Variants in MCC observed in about 807,000 individuals in gnomAD.
The protein encoded by MCC is colorectal mutant cancer protein.
Under a neutral mutation model 116.2 loss-of-function variants are expected in MCC, and 90 were observed. The ratio of observed to expected loss-of-function variants is 0.77; its 90% CI spans 0.65 to 0.92. The LOEUF is 0.92. MCC is among the 40% of genes least tolerant of loss of function. The probability of loss-of-function intolerance (pLI) is 0.00; values close to 1 mark genes in which losing one functional copy is unlikely to be tolerated. For missense variants in MCC, 1,516 were observed against 1,312.2 expected, an observed-to-expected ratio of 1.16 and a Z score of -2.40; for synonymous variants, 578 against 510.5, an observed-to-expected ratio of 1.13 and a Z score of -1.78.
At chr5:113,201,378 C>T (rs1477310209) in intron 3 of MCC, among the ~76,000 whole-genome samples, 1 of 111,638 alleles carries the variant, frequency 9.0e-6, no homozygotes, top group Non-Finnish European at 1.8e-5. Context: ...AAGAGCAAAA[C>T]GCCATCTCCA....
chr5:113,102,011 T>G (rs560868906), intron 7 of MCC, 66 bp from the exon 8 acceptor site: 89 of 1,490,200 alleles, frequency 6.0e-5, no homozygotes, highest in Middle Eastern at 3.4e-4. Context: ...AGGAAGAAAA[T>G]AGGCTGAACA....
chr5:113,154,997 T>A (rs2150293544), intron 3 of MCC, among the ~76,000 whole-genome samples: 2 of 152,260 alleles, frequency 1.3e-5, no homozygotes, highest in Middle Eastern at 6.8e-3. Context: ...CTGCATGTTT[T>A]TACCCATTAA....
chr5:113,290,203 T>C (rs530325599), intron 3 of MCC, among the ~76,000 whole-genome samples: 1 of 152,122 alleles, frequency 6.6e-6, no homozygotes, highest in Non-Finnish European at 1.5e-5. Context: ...GCATGGAGAG[T>C]TGCCTCTATG....
intron 11 of MCC, among the ~76,000 whole-genome samples, chr5:113,080,431 A>G (rs1453445293): frequency 6.6e-6 from 1 of 152,234 alleles, no homozygotes; most frequent in African/African-American, 2.4e-5. Context: ...AGACTGCATT[A>G]AGAAAATGTG....
intron 3 of MCC, among the ~76,000 whole-genome samples, chr5:113,309,044 TA>T (rs760131234): frequency 2.0e-5 from 3 of 152,202 alleles, no homozygotes; most frequent in African/African-American, 4.8e-5. Flanking sequence ...CAGAGTCAAA[TA>T]ATAAATCTCT....
intron 2 of MCC, among the ~76,000 whole-genome samples, chr5:113,363,448 G>C (rs1768600790): frequency 6.6e-6 from 1 of 152,172 alleles, no homozygotes; most frequent in South Asian, 2.1e-4. Flanking sequence ...AGGCAAAGGG[G>C]GAGCCAGCAC....
intron 17 of MCC, among the ~76,000 whole-genome samples, chr5:113,041,920 C>T (rs4309965): frequency 0.2 from 30,713 of 152,020 alleles, 3,314 homozygotes; most frequent in Non-Finnish European, 0.26. Context: ...TTGTTTGAAC[C>T]TGGGAGACCG....
chr5:113,357,745 G>A (rs11241203), intron 2 of MCC, among the ~76,000 whole-genome samples: 24,302 of 152,122 alleles, frequency 0.16, 2,619 homozygotes, highest in Middle Eastern at 0.24. Context: ...TGTGTACAAC[G>A]TCAGTAAATA....
At chr5:113,061,126 G>C (rs561966370) in intron 14 of MCC, among the ~76,000 whole-genome samples, 2 of 152,326 alleles carry the variant, frequency 1.3e-5, no homozygotes, top group East Asian at 3.9e-4. Flanking sequence ...CCAACTTGGG[G>C]ATTACACCCC....
At chr5:113,167,243 C>A (rs978145717) in intron 3 of MCC, among the ~76,000 whole-genome samples, 1 of 152,190 alleles carries the variant, frequency 6.6e-6, no homozygotes, top group Admixed American at 6.5e-5. Context: ...AAAGGAAGCA[C>A]AGGAACCTCA....
At chr5:113,089,751 A>G (rs796473687) in intron 8 of MCC, among the ~76,000 whole-genome samples, 2 of 152,354 alleles carry the variant, frequency 1.3e-5, no homozygotes, top group African/African-American at 4.8e-5. Context: ...GTATGTGGCT[A>G]GTAGCTACTG....
At chr5:113,211,963 A>G (rs971307828) in intron 3 of MCC, among the ~76,000 whole-genome samples, 3 of 152,234 alleles carry the variant, frequency 2.0e-5, no homozygotes, top group African/African-American at 4.8e-5. Context: ...CACACACAGT[A>G]AAGTACCTCT....
chr5:113,221,167 G>A (rs1306441005), intron 3 of MCC, among the ~76,000 whole-genome samples: 1 of 152,248 alleles, frequency 6.6e-6, no homozygotes, highest in Non-Finnish European at 1.5e-5. Flanking sequence ...TCGTGCCACT[G>A]CACTCCAGTC....
chr5:113,124,252 A>T (rs1423252110), intron 5 of MCC, among the ~76,000 whole-genome samples: 1 of 152,226 alleles, frequency 6.6e-6, no homozygotes, highest in Admixed American at 6.5e-5. Context: ...GTCAACAATA[A>T]TTAGGTTTAG....
At chr5:113,064,447 C>G (rs1479564559) in intron 13 of MCC, among the ~76,000 whole-genome samples, 1 of 152,208 alleles carries the variant, frequency 6.6e-6, no homozygotes, top group Non-Finnish European at 1.5e-5. Flanking sequence ...CTGTTTCCAG[C>G]TCTAACACGC....
At chr5:113,396,882 A>T (rs1372377814) in intron 1 of MCC, among the ~76,000 whole-genome samples, 1 of 152,216 alleles carries the variant, frequency 6.6e-6, no homozygotes, top group Non-Finnish European at 1.5e-5. Context: ...CATGATTCCA[A>T]ATATTCCACT....
chr5:113,311,256 T>C (rs1454668943), intron 3 of MCC, among the ~76,000 whole-genome samples: 1 of 152,250 alleles, frequency 6.6e-6, no homozygotes, highest in South Asian at 2.1e-4. Context: ...AACTTTGTAG[T>C]ACCCTCCCAC....
intron 5 of MCC, among the ~76,000 whole-genome samples, chr5:113,134,819 G>A (rs1758709321): frequency 6.6e-6 from 1 of 151,774 alleles, no homozygotes; most frequent in Non-Finnish European, 1.5e-5. Context: ...GGAACACTAG[G>A]CATAAATAGA....
intron 1 of MCC, among the ~76,000 whole-genome samples, chr5:113,430,088 G>C (rs1420921312): frequency 2.6e-5 from 4 of 152,198 alleles, no homozygotes; most frequent in Non-Finnish European, 5.9e-5. Context: ...CTTCTCATTA[G>C]AACTTGGTTG....
Sources: allele counts gnomAD v4.1 joint callset (sites outside exome capture counted in the v4.1 genomes callset), GRCh38; gene constraint gnomAD v4.1.1; transcripts MANE v1.5; gene names NCBI Gene and HGNC (gene_info 2026-07-23, HGNC 2026-07-21).